ZNF655: variants seen among roughly 807,000 people sequenced by gnomAD.
The protein encoded by ZNF655 is Vav-interacting Kruppel-like protein 1.
Under a neutral mutation model 6.6 loss-of-function variants are expected in ZNF655, and 3 were observed. The observed-to-expected ratio is 0.46, with a 90% CI of 0.21 to 1.18. ZNF655 has a LOEUF of 1.18. Ranked by LOEUF, ZNF655 falls within the 50% of genes most tolerant of loss-of-function variation. ZNF655 has a pLI of 0.24. For synonymous variants in ZNF655, 178 were observed against 195.0 expected (o/e 0.91, Z 0.73); for missense variants, 526 against 572.3 (o/e 0.92, Z 0.83).
Position 99,575,988 on chromosome 7 carries a change from TGTGA to T in ZNF655, c.*2407_*2410del, listed in dbSNP as rs1278232449. ...TTCCATCTTAAGCTTTATAACATTT[TGTGA>T]GTAAGACAAATGTTATTTAAAATTC... is the stretch of plus-strand genomic sequence containing the variant. On this transcript the variant is annotated 3_prime_UTR_variant, in exon 3 of 3. Coordinates refer to ENST00000252713, the MANE Select transcript of ZNF655 (RefSeq NM_138494.3). 1.3e-5 allele frequency: 2 copies of T among 152,226 alleles called. No homozygotes were observed. The highest frequency in any genetic ancestry group is 2.4e-5 in the African/African-American group (1 of 41,464). 9.4% of individuals were successfully genotyped at this position (152,226 alleles called of 1,614,324 possible).
chr7:99,563,075 C>A, intron 2 of ZNF655: 1 of 361,530 alleles, frequency 2.8e-6, no homozygotes, highest in Non-Finnish European at 5.7e-6. Context: ...GTGAGTCACC[C>A]AGAATGGTAA....
At chr7:99,570,022 C>A (rs528080119) in intron 2 of ZNF655, among the ~76,000 whole-genome samples, 6 of 152,266 alleles carry the variant, frequency 3.9e-5, no homozygotes, top group Admixed American at 2.0e-4. Flanking sequence ...TTTGCGTACT[C>A]ATCTGCTGGG....
At position 99,560,518 on chromosome 7, in the gene ZNF655, A is replaced by T. The variant is rs748487689; in HGVS notation, c.-27-15A>T. The stretch of plus-strand genomic sequence containing the variant: ...TTAACTTATTACAGTAATTTCTCTT[A>T]ATCTTACCTTGCAGTGATGGTCATT... On this transcript the variant is annotated splice_polypyrimidine_tract_variant and intron_variant, in intron 1 of 2. Coordinates refer to ENST00000252713, the MANE Select transcript of ZNF655 (RefSeq NM_138494.3). 2 of 1,599,176 alleles carry T rather than the reference A, an allele frequency of 1.3e-6. No individual in the cohort carries two copies. Among genetic ancestry groups the T allele is most frequent in the Non-Finnish European group, 1.7e-6 (2 of 1,170,652 alleles).
At chr7:99,562,474 A>G in intron 2 of ZNF655, 1 of 1,613,696 alleles carries the variant, frequency 6.2e-7, no homozygotes, top group Non-Finnish European at 8.5e-7. Context: ...TTAGAGAATT[A>G]TGGGAACGTG....
chr7:99,569,548 T>C (rs540142855), intron 2 of ZNF655, among the ~76,000 whole-genome samples: 96 of 152,306 alleles, frequency 6.3e-4, no homozygotes, highest in African/African-American at 2.2e-3. Flanking sequence ...TTACCAGTTA[T>C]TGTAACCTTG....
Position 99,573,685 on chromosome 7 carries a change from C to G in ZNF655, c.*101C>G. On this transcript the variant is annotated 3_prime_UTR_variant, in exon 3 of 3. Transcript: ENST00000252713. ...CATGTATGTACTGCATGTGGTAAAG[C>G]CTTCAGTCATAGCTCAGCCATTGCT... 8.8e-6 allele frequency: 12 copies of G among 1,361,836 alleles called. No individual in the cohort carries two copies. The highest frequency in any genetic ancestry group is 1.5e-5 in the African/African-American group (1 of 68,768). 84.4% of individuals were successfully genotyped at this position (1,361,836 alleles called of 1,614,324 possible). A position where few individuals can be genotyped will look rare whatever the true frequency, so the allele number is the denominator to read the frequency against.
At position 99,572,907 on chromosome 7, in the gene ZNF655, C is replaced by A; in HGVS notation, c.799C>A (p.Pro267Thr). 1 of 1,614,106 alleles carries A rather than the reference C, an allele frequency of 6.2e-7. No individual in the cohort carries two copies. The highest frequency in any genetic ancestry group is 8.5e-7 in the Non-Finnish European group (1 of 1,179,994). ...RHKRIHTREK[P>T]YKCEASDKSC... ...TAAAAGAATACACACTAGAGAAAAA[C>A]CTTACAAATGTGAAGCATCTGATAA... Residue 267 changes from proline (P) to threonine (T), a missense_variant, in exon 3 of 3, where the codon CCT becomes ACT. Pro to Thr is a conservative substitution (Grantham distance 38). Transcript: ENST00000252713.
chr7:99,559,785 ATT>A (rs60274417), intron 1 of ZNF655, among the ~76,000 whole-genome samples: 13 of 119,258 alleles, frequency 1.1e-4, no homozygotes, highest in Admixed American at 2.6e-4. Flanking sequence ...GGGCCACCTA[ATT>A]TTTTTTTTTT....
At chr7:99,567,883 AC>A (rs1226370014) in intron 2 of ZNF655, among the ~76,000 whole-genome samples, 1 of 151,628 alleles carries the variant, frequency 6.6e-6, no homozygotes, top group Non-Finnish European at 1.5e-5. Context: ...ACATGGTGAA[AC>A]CCCGTCTCTA....
chr7:99,565,781 CT>C (rs1803573948), intron 2 of ZNF655, among the ~76,000 whole-genome samples: 1 of 152,078 alleles, frequency 6.6e-6, no homozygotes, highest in South Asian at 2.1e-4. Context: ...CAGAAGCATG[CT>C]TGTTAAAATT....
chr7:99,564,390 C>G (rs1451355941), intron 2 of ZNF655: 8 of 1,045,590 alleles, frequency 7.7e-6, no homozygotes, highest in Non-Finnish European at 8.0e-6. Context: ...TCCTGTGAAC[C>G]CTGGGCTTCC....
chr7:99,567,394 A>T (rs183075171), intron 2 of ZNF655, among the ~76,000 whole-genome samples: 2 of 151,694 alleles, frequency 1.3e-5, no homozygotes, highest in East Asian at 4.0e-4. Flanking sequence ...TTAGCCGGGC[A>T]TGGTGGCGCA....
Position 99,572,812 on chromosome 7 carries a change from C to G in ZNF655, c.704C>G (p.Thr235Ser), listed in dbSNP as rs1391074695. ...CTTACTAGACATCAGAGAATCCATACTAGAGAGAAGCCCTACAAATGTAAA... is the reference window on the plus strand; with the variant it reads ...CTTACTAGACATCAGAGAATCCATAGTAGAGAGAAGCCCTACAAATGTAAA... ...SALTRHQRIHTREKPYKCKEC... is the reference protein window; with the variant it reads ...SALTRHQRIHSREKPYKCKEC... The change falls in exon 3 of 3, where the codon ACT (threonine) becomes AGT (serine). Residue 235 changes from threonine (T) to serine (S), a missense_variant. By Grantham distance (58) the Thr-to-Ser change is moderately conservative. Coordinates refer to ENST00000252713, the MANE Select transcript of ZNF655 (RefSeq NM_138494.3). 2.5e-6 allele frequency: 4 copies of G among 1,613,722 alleles called. No individual in the cohort carries two copies. The highest frequency in any genetic ancestry group is 3.4e-6 in the Non-Finnish European group (4 of 1,179,956).
rs753834636 is a variant in ZNF655, at chr7:99,563,917, C to T, written c.136+3222C>T. The T allele has an allele frequency of 3.8e-5, 62 of 1,613,696 alleles. 1 individual carries two copies. The South Asian group carries it at 6.8e-4, about 18-fold the overall frequency. On this transcript the variant is annotated intron_variant, in intron 2 of 2. Transcript: ENST00000252713. ...ATTCATAGTGTGAATTCCTGCCCGG[C>T]CCTGAGTCATACCCAGGCAAGTGCT...
chr7:99,559,677 G>T (rs1264715794), intron 1 of ZNF655, among the ~76,000 whole-genome samples: 1 of 152,088 alleles, frequency 6.6e-6, no homozygotes, highest in Admixed American at 6.5e-5. Flanking sequence ...ATACAGGCTG[G>T]AATGCAGTGG....
chr7:99,573,300 C>A lies in ZNF655; in HGVS notation c.1192C>A (p.His398Asn). Residue 398 changes from histidine (H) to asparagine (N), a missense_variant, in exon 3 of 3, where the codon CAT (histidine) becomes AAT (asparagine). By Grantham distance (68) the His-to-Asn change is moderately conservative (BLOSUM62 1). Coordinates refer to ENST00000252713, the MANE Select transcript of ZNF655 (RefSeq NM_138494.3). The stretch of plus-strand genomic sequence containing the variant: ...CAGATTGAATTCACATCTTATTCAG[C>A]ATCAAAGAATTCACACAGGAGAGAA... Reference protein sequence around the residue: ...DFRLNSHLIQHQRIHTGEKAH... With the variant: ...DFRLNSHLIQNQRIHTGEKAH... 6.2e-7 allele frequency: 1 copy of A among 1,614,134 alleles called. No individual in the cohort carries two copies. Among genetic ancestry groups the A allele is most frequent in the Non-Finnish European group, 8.5e-7 (1 of 1,180,010 alleles).
At chr7:99,566,537 G>GC (rs1232216254) in intron 2 of ZNF655, among the ~76,000 whole-genome samples, 6 of 152,156 alleles carry the variant, frequency 3.9e-5, no homozygotes, top group Non-Finnish European at 2.9e-5. Context: ...AGTAAAAGCA[G>GC]CAAACCATAT....
intron 2 of ZNF655, among the ~76,000 whole-genome samples, chr7:99,568,400 G>A (rs146197921): frequency 0.01 from 1,573 of 151,256 alleles, 12 homozygotes; most frequent in Non-Finnish European, 0.015. Context: ...ACAGGCACCC[G>A]CCATCACGCC....
In ZNF655 at chr7:99,575,789, AGTT is replaced by A. The variant is rs1397960221; in HGVS notation, c.*2209_*2211del. 1 of 152,196 alleles carries A rather than the reference AGTT, an allele frequency of 6.6e-6. No individual in the cohort carries two copies. Among genetic ancestry groups the A allele is most frequent in the African/African-American group, 2.4e-5 (1 of 41,454 alleles). 9.4% of individuals were successfully genotyped at this position (152,196 alleles called of 1,614,324 possible). A position where few individuals can be genotyped will look rare whatever the true frequency, so the allele number is the denominator to read the frequency against. On this transcript the variant is annotated 3_prime_UTR_variant, in exon 3 of 3. Transcript: ENST00000252713. Reference sequence around the variant, plus strand: ...TTTGAAGTGTGAGGGCTTTGTGTATAGTTGTTTATCCATTACCACATTTTTGTA... The same window carrying A: ...TTTGAAGTGTGAGGGCTTTGTGTATAGTTTATCCATTACCACATTTTTGTA...
Sources: gnomAD v4.1 joint callset for allele counts (sites outside exome capture counted in the v4.1 genomes callset) on GRCh38, gnomAD v4.1.1 for gene constraint, MANE v1.5 for transcripts, NCBI Gene and HGNC (gene_info 2026-07-23, HGNC 2026-07-21) for gene names.